RERE: variants seen among roughly 807,000 people sequenced by gnomAD.
The protein encoded by RERE is arginine-glutamic acid dipeptide repeats.
Under a neutral mutation model 146.1 loss-of-function variants are expected in RERE, and 40 were observed. The ratio of observed to expected loss-of-function variants is 0.27; its 90% CI spans 0.21 to 0.36. RERE has a LOEUF of 0.36. Among genes scored for constraint, RERE ranks in the 10% least tolerant of loss-of-function variants. RERE has a pLI of 1.00. For missense variants in RERE, 1,933 were observed against 2,138.7 expected (o/e 0.90, Z 1.90); for synonymous variants, 1,003 against 866.0 (o/e 1.16, Z -2.78).
intron 1 of RERE, among the ~76,000 whole-genome samples, chr1:8,769,090 T>C (rs1163987736): frequency 1.3e-5 from 2 of 152,216 alleles, no homozygotes; most frequent in African/African-American, 2.4e-5. Flanking sequence ...TGAGTAGTTG[T>C]GACCATCTGG....
chr1:8,355,392 C>T (rs542110), intron 22 of RERE, 27 bp downstream of exon 22: 3 of 1,607,866 alleles, frequency 1.9e-6, no homozygotes, highest in South Asian at 2.2e-5. Flanking sequence ...GATAACCCCT[C>T]CACTCCCTCC....
At chr1:8,792,466 T>C (rs1641380300) in intron 1 of RERE, 1 of 152,164 alleles carries the variant, frequency 6.6e-6, no homozygotes, top group South Asian at 2.1e-4. Flanking sequence ...ATGGCCACAA[T>C]TCCTTTCTCA....
chr1:8,747,268 T>TG (rs1640441559), intron 1 of RERE, among the ~76,000 whole-genome samples: 1 of 152,158 alleles, frequency 6.6e-6, no homozygotes, highest in South Asian at 2.1e-4. Context: ...CCCAAAGTGC[T>TG]GGGATTACAG....
chr1:8,577,709 T>C (rs1646313271), intron 4 of RERE, among the ~76,000 whole-genome samples: 2 of 152,318 alleles, frequency 1.3e-5, no homozygotes, highest in Admixed American at 6.5e-5. Flanking sequence ...CACTCAATGC[T>C]ACCTTATAAA....
chr1:8,421,972 T>C (rs12095124), intron 12 of RERE, among the ~76,000 whole-genome samples: 38,111 of 151,930 alleles, frequency 0.25, 5,830 homozygotes, highest in East Asian at 0.75. Flanking sequence ...TCTCTCCCCA[T>C]CTGCCTCTAC....
At chr1:8,675,500 A>G (rs1174706098) in intron 1 of RERE, among the ~76,000 whole-genome samples, 2 of 150,540 alleles carry the variant, frequency 1.3e-5, no homozygotes, top group Non-Finnish European at 3.0e-5. Context: ...CTCTACAAAA[A>G]AAAAAAAAAA....
chr1:8,736,127 G>A (rs897370115), intron 1 of RERE, among the ~76,000 whole-genome samples: 4 of 152,126 alleles, frequency 2.6e-5, no homozygotes, highest in South Asian at 4.1e-4. Flanking sequence ...GAATCTAAAC[G>A]GTGAGTGCAG....
intron 12 of RERE, chr1:8,380,584 T>C (rs1379900904): frequency 3.0e-6 from 1 of 328,740 alleles, no homozygotes; most frequent in Non-Finnish European, 6.0e-6. Context: ...CCTGATCTCG[T>C]GATCCACCTG....
chr1:8,775,145 G>A (rs559066665), intron 1 of RERE, among the ~76,000 whole-genome samples: 1 of 151,844 alleles, frequency 6.6e-6, no homozygotes, highest in South Asian at 2.1e-4. Context: ...ATTTTTAGTA[G>A]AGACGGGGTT....
At chr1:8,690,648 T>G (rs867376778) in intron 1 of RERE, among the ~76,000 whole-genome samples, 19 of 152,182 alleles carry the variant, frequency 1.2e-4, no homozygotes, top group African/African-American at 4.3e-4. Flanking sequence ...AAGTATTAAG[T>G]ATTTACCTTT....
At chr1:8,506,622 T>A (rs1463300233) in intron 8 of RERE, among the ~76,000 whole-genome samples, 1 of 152,204 alleles carries the variant, frequency 6.6e-6, no homozygotes, top group Non-Finnish European at 1.5e-5. Context: ...TTCCCCAGCA[T>A]CCATTCCAAC....
At chr1:8,637,582 T>C (rs1246135703) in intron 2 of RERE, among the ~76,000 whole-genome samples, 2 of 152,134 alleles carry the variant, frequency 1.3e-5, no homozygotes, top group Non-Finnish European at 2.9e-5. Context: ...AAGGACGATA[T>C]CCTCTGTGAT....
At chr1:8,572,019 A>T (rs891592038) in intron 4 of RERE, among the ~76,000 whole-genome samples, 26 of 152,362 alleles carry the variant, frequency 1.7e-4, no homozygotes, top group African/African-American at 6.3e-4. Context: ...GGAAATGTTC[A>T]TATCTTCTGC....
chr1:8,519,912 TG>T (rs1645469089), intron 7 of RERE: 1 of 152,132 alleles, frequency 6.6e-6, no homozygotes, highest in African/African-American at 2.4e-5. Flanking sequence ...ACTCAACTAC[TG>T]CTTAGCCACA....
intron 1 of RERE, among the ~76,000 whole-genome samples, chr1:8,793,796 C>T (rs1310732746): frequency 6.6e-6 from 1 of 152,130 alleles, no homozygotes; most frequent in African/African-American, 2.4e-5. Context: ...AGGGCAGGTA[C>T]TATAACACCT....
At chr1:8,666,173 AG>A (rs1451106102) in intron 1 of RERE, among the ~76,000 whole-genome samples, 7 of 152,258 alleles carry the variant, frequency 4.6e-5, no homozygotes, top group African/African-American at 1.2e-4. Flanking sequence ...AGAGCAGTCT[AG>A]GAACATTCAT....
Position 8,557,527 on chromosome 1 carries a change from A to C in RERE, c.523-4T>G. ...TGAGGAGATGGTCCCTCTTACTCTGAAAAGGAAAATCTAACAGCATTAGGA... is the reference window on the plus strand; with the variant it reads ...TGAGGAGATGGTCCCTCTTACTCTGCAAAGGAAAATCTAACAGCATTAGGA... On this transcript the variant is annotated splice_polypyrimidine_tract_variant and splice_region_variant and intron_variant, in intron 4 of 22. Coordinates refer to ENST00000400908, the MANE Select transcript of RERE (RefSeq NM_001042681.2). The C allele has an allele frequency of 6.3e-7, 1 of 1,592,512 alleles. No homozygotes were observed. Among genetic ancestry groups the C allele is most frequent in the Non-Finnish European group, 8.6e-7 (1 of 1,160,222 alleles).
intron 1 of RERE, among the ~76,000 whole-genome samples, chr1:8,690,113 GC>G (rs1639178677): frequency 6.6e-6 from 1 of 152,184 alleles, no homozygotes; most frequent in Admixed American, 6.5e-5. Flanking sequence ...AGACTGGGTG[GC>G]TTAAACAGCA....
rs1489532434 is a variant in RERE, at chr1:8,433,550, TTTC to T, written c.1204-10746_1204-10744del. Among the ~76,000 whole-genome samples the T allele has an allele frequency of 8.8e-5, 12 of 137,028 alleles. No homozygotes were observed. The South Asian group carries it at 2.2e-3, about 25-fold the overall frequency. 89.9% of individuals were successfully genotyped at this position (137,028 alleles called of 152,430 possible). ...AGCCCTCTGAGTAACAGTCCATTCA[TTTC>T]TTTTTTTTTTTTTTTTTTGAGACGG... On this transcript the variant is annotated intron_variant, in intron 11 of 22. Coordinates refer to ENST00000400908, the MANE Select transcript of RERE (RefSeq NM_001042681.2).
Sources: gnomAD v4.1 joint callset for allele counts (sites outside exome capture counted in the v4.1 genomes callset) on GRCh38, gnomAD v4.1.1 for gene constraint, MANE v1.5 for transcripts, NCBI Gene and HGNC (gene_info 2026-07-23, HGNC 2026-07-21) for gene names.